The following PTPRT variants were observed in gnomAD, a reference collection of about 807,000 sequenced individuals.
PTPRT encodes receptor-type tyrosine-protein phosphatase T.
PTPRT carries 56 observed loss-of-function variants against 176.8 expected under a neutral mutation model. The observed-to-expected ratio is 0.32, with a 90% CI of 0.26 to 0.40. The LOEUF is 0.40. Ranked by LOEUF, PTPRT falls within the 10% of genes least tolerant of loss-of-function variation. The pLI is 1.00. For missense variants in PTPRT, 1,540 were observed against 1,908.2 expected (o/e 0.81, Z 3.60); for synonymous variants, 783 against 739.0 (o/e 1.06, Z -0.96).
At chr20:42,906,344 G>A (rs370859807) in intron 1 of PTPRT, among the ~76,000 whole-genome samples, 15 of 152,268 alleles carry the variant, frequency 9.9e-5, no homozygotes, top group East Asian at 5.8e-4. Flanking sequence ...TGAGTGGCCC[G>A]GCTCCAGGGG....
chr20:42,589,376 C>A (rs923964814), intron 7 of PTPRT, among the ~76,000 whole-genome samples: 2 of 152,186 alleles, frequency 1.3e-5, no homozygotes, highest in South Asian at 4.1e-4. Context: ...AAATGATAAA[C>A]TCAATTGTTC....
intron 25 of PTPRT, among the ~76,000 whole-genome samples, chr20:42,104,126 C>T (rs531596569): frequency 6.6e-6 from 1 of 152,126 alleles, no homozygotes; most frequent in Non-Finnish European, 1.5e-5. Flanking sequence ...GAAGACGTTT[C>T]GATCATGAGC....
chr20:42,858,322 T>C (rs1053842574), intron 2 of PTPRT, among the ~76,000 whole-genome samples: 1 of 152,110 alleles, frequency 6.6e-6, no homozygotes, highest in African/African-American at 2.4e-5. Flanking sequence ...AGTGAGTGGA[T>C]GAAAAATTAC....
chr20:42,425,641 A>AT (rs2059156510), intron 9 of PTPRT, among the ~76,000 whole-genome samples: 1 of 152,232 alleles, frequency 6.6e-6, no homozygotes, highest in Non-Finnish European at 1.5e-5. Flanking sequence ...GAACAACATC[A>AT]TAACTATGTG....
intron 9 of PTPRT, among the ~76,000 whole-genome samples, chr20:42,434,204 T>TTA (rs2059240956): frequency 6.6e-6 from 1 of 152,222 alleles, no homozygotes; most frequent in South Asian, 2.1e-4. Flanking sequence ...TATACTATTG[T>TTA]TATATTGTCA....
At chr20:42,083,966 T>C (rs1983616257) in intron 29 of PTPRT, among the ~76,000 whole-genome samples, 1 of 152,250 alleles carries the variant, frequency 6.6e-6, no homozygotes, top group Admixed American at 6.5e-5. Context: ...ACATTTACGT[T>C]TGCATATTTG....
intron 1 of PTPRT, among the ~76,000 whole-genome samples, chr20:43,008,300 A>C (rs763817639): frequency 1.1e-4 from 16 of 152,182 alleles, no homozygotes; most frequent in Non-Finnish European, 2.2e-4. Flanking sequence ...CCACCATGTG[A>C]AGCTCCAGCA....
intron 1 of PTPRT, among the ~76,000 whole-genome samples, chr20:42,938,590 A>T (rs1021951313): frequency 6.6e-6 from 1 of 152,164 alleles, no homozygotes; most frequent in African/African-American, 2.4e-5. Context: ...TTTCCATGTC[A>T]GTAAGAGCCT....
intron 9 of PTPRT, among the ~76,000 whole-genome samples, chr20:42,397,882 G>A (rs12624959): frequency 0.15 from 22,359 of 152,134 alleles, 1,754 homozygotes; most frequent in East Asian, 0.27. Context: ...CTCCACAGTG[G>A]CTGGACTAAT....
chr20:42,882,170 A>G (rs1422649428), intron 2 of PTPRT, among the ~76,000 whole-genome samples: 1 of 152,240 alleles, frequency 6.6e-6, no homozygotes, highest in Non-Finnish European at 1.5e-5. Context: ...CTTTACAGAA[A>G]GAAAAGCAAG....
intron 2 of PTPRT, among the ~76,000 whole-genome samples, chr20:42,838,115 C>T (rs1401022601): frequency 1.3e-5 from 2 of 152,148 alleles, no homozygotes; most frequent in East Asian, 1.9e-4. Context: ...CAACTTCTGC[C>T]TCCTGGGTTC....
intron 1 of PTPRT, among the ~76,000 whole-genome samples, chr20:43,133,467 C>T (rs551363427): frequency 1.9e-4 from 29 of 152,222 alleles, no homozygotes; most frequent in African/African-American, 6.7e-4. Flanking sequence ...GAGTGCTGGC[C>T]GGGCACGGTG....
intron 7 of PTPRT, among the ~76,000 whole-genome samples, chr20:42,610,584 T>C (rs1342637343): frequency 6.6e-6 from 1 of 152,138 alleles, no homozygotes; most frequent in Non-Finnish European, 1.5e-5. Flanking sequence ...TCCAAACTAA[T>C]CTGTGAGACA....
chr20:42,315,087 T>C (rs2057697210), intron 12 of PTPRT, among the ~76,000 whole-genome samples: 1 of 130,410 alleles, frequency 7.7e-6, no homozygotes. Flanking sequence ...CAAAAATGGT[T>C]ACCTTGCGTG....
chr20:42,897,967 T>C (rs1360981106), intron 1 of PTPRT, among the ~76,000 whole-genome samples: 3 of 152,218 alleles, frequency 2.0e-5, no homozygotes, highest in African/African-American at 7.2e-5. Flanking sequence ...GTATTACATG[T>C]GGTCAGCTGG....
intron 1 of PTPRT, among the ~76,000 whole-genome samples, chr20:42,896,410 G>C (rs1320478153): frequency 6.6e-6 from 1 of 152,156 alleles, no homozygotes. Flanking sequence ...GCCTAGGCGG[G>C]TGGATCTCCT....
intron 1 of PTPRT, among the ~76,000 whole-genome samples, chr20:43,114,768 T>A (rs2012991111): frequency 6.6e-6 from 1 of 152,156 alleles, no homozygotes; most frequent in African/African-American, 2.4e-5. Context: ...TTATTATTTA[T>A]TAAATGTCAT....
rs2071851509 is a variant in PTPRT at position 42,506,728 on chromosome 20, A to G, written c.1154-34166T>C. Among the ~76,000 whole-genome samples the G allele has an allele frequency of 2.0e-5, 3 of 152,166 alleles. 1 individual carries two copies. In the South Asian group the frequency reaches 6.2e-4, roughly 32 times the overall value. On this transcript the variant is annotated intron_variant, in intron 7 of 30. Transcript: ENST00000373187. ...TATTATTCCCATTATTTATGTGAAA[A>G]AAAACACTGAGATTAGGTGATTTTT...
At chr20:42,296,446 A>G (rs2057388239) in intron 12 of PTPRT, among the ~76,000 whole-genome samples, 1 of 27,962 alleles carries the variant, frequency 3.6e-5, no homozygotes, top group Non-Finnish European at 7.5e-5. Context: ...ACTCTGTCTC[A>G]AAAAAAAAAA....
Sources: allele counts gnomAD v4.1 joint callset (sites outside exome capture counted in the v4.1 genomes callset), GRCh38; gene constraint gnomAD v4.1.1; transcripts MANE v1.5; gene names NCBI Gene and HGNC (gene_info 2026-07-23, HGNC 2026-07-21).